The following ERC2 variants were observed in gnomAD, a reference collection of about 807,000 sequenced individuals.
The protein encoded by ERC2 is ERC protein 2.
In ERC2, 42 loss-of-function variants were observed where a neutral mutation model predicts 114.8. That is an observed-to-expected ratio of 0.37 (90% CI 0.29 to 0.47). ERC2 has a LOEUF of 0.47. ERC2 is among the 20% of genes least tolerant of loss of function. The probability of loss-of-function intolerance (pLI) is 0.99; values close to 1 mark genes in which losing one functional copy is unlikely to be tolerated. For missense variants in ERC2, 939 were observed against 1,150.7 expected, an observed-to-expected ratio of 0.82 and a Z score of 2.66; for synonymous variants, 454 against 425.5, an observed-to-expected ratio of 1.07 and a Z score of -0.82.
chr3:55,727,144 T>C (rs2064971106), intron 15 of ERC2, among the ~76,000 whole-genome samples: 1 of 152,292 alleles, frequency 6.6e-6, no homozygotes, highest in African/African-American at 2.4e-5. Context: ...ATTATTTTGA[T>C]GTCAGTCCTT....
intron 14 of ERC2, among the ~76,000 whole-genome samples, chr3:55,737,901 C>T (rs1285888721): frequency 6.6e-6 from 1 of 152,116 alleles, no homozygotes; most frequent in African/African-American, 2.4e-5. Context: ...ATAATAGTGT[C>T]TCCTTCCAGA....
intron 14 of ERC2, among the ~76,000 whole-genome samples, chr3:55,736,121 T>C (rs2065619492): frequency 6.6e-6 from 1 of 152,206 alleles, no homozygotes; most frequent in Admixed American, 6.5e-5. Flanking sequence ...TTGATCTCTC[T>C]GGTAAAGAGA....
intron 17 of ERC2, among the ~76,000 whole-genome samples, chr3:55,597,245 C>T (rs941078242): frequency 1.3e-5 from 2 of 151,912 alleles, no homozygotes; most frequent in Admixed American, 1.3e-4. Flanking sequence ...ATGGTGAAAC[C>T]CCATCTCTAC....
chr3:55,749,319 C>A (rs2066513570), intron 14 of ERC2, among the ~76,000 whole-genome samples: 1 of 152,158 alleles, frequency 6.6e-6, no homozygotes, highest in Admixed American at 6.5e-5. Context: ...TGAGGCTTCC[C>A]AGCTCCACTG....
chr3:56,113,607 A>G (rs2079076155), intron 6 of ERC2, among the ~76,000 whole-genome samples: 1 of 152,260 alleles, frequency 6.6e-6, no homozygotes, highest in African/African-American at 2.4e-5. Flanking sequence ...GGGTTTTCAC[A>G]TGAAGCAAGT....
At chr3:55,807,913 C>G (rs967937245) in intron 14 of ERC2, among the ~76,000 whole-genome samples, 1 of 152,148 alleles carries the variant, frequency 6.6e-6, no homozygotes, top group Non-Finnish European at 1.5e-5. Flanking sequence ...AAAATGACCT[C>G]TGAGCATGAG....
intron 14 of ERC2, among the ~76,000 whole-genome samples, chr3:55,777,528 T>G (rs2068718451): frequency 6.6e-6 from 1 of 152,254 alleles, no homozygotes. Flanking sequence ...ACTTATTTAT[T>G]GTCAGCCTCC....
intron 3 of ERC2, among the ~76,000 whole-genome samples, chr3:56,275,822 G>A (rs2053952405): frequency 6.6e-6 from 1 of 152,138 alleles, no homozygotes; most frequent in Middle Eastern, 3.2e-3. Context: ...AGACATTTTT[G>A]ATTGACATGA....
At chr3:56,225,064 C>T (rs2050163472) in intron 3 of ERC2, among the ~76,000 whole-genome samples, 2 of 152,066 alleles carry the variant, frequency 1.3e-5, no homozygotes, top group African/African-American at 4.8e-5. Flanking sequence ...TCATCAACAC[C>T]CAGCTCTTCT....
chr3:56,228,753 T>G (rs1396258784), intron 3 of ERC2, among the ~76,000 whole-genome samples: 1 of 152,178 alleles, frequency 6.6e-6, no homozygotes, highest in Non-Finnish European at 1.5e-5. Flanking sequence ...AAACTGTATG[T>G]TTAAGATGTG....
intron 2 of ERC2, among the ~76,000 whole-genome samples, chr3:56,393,910 T>C (rs76293527): frequency 0.023 from 3,570 of 152,082 alleles, 40 homozygotes; most frequent in South Asian, 0.071. Context: ...ACACTACTTT[T>C]ATGTCTCCTA....
At chr3:56,070,127 A>G (rs1344353839) in intron 7 of ERC2, among the ~76,000 whole-genome samples, 1 of 152,240 alleles carries the variant, frequency 6.6e-6, no homozygotes, top group East Asian at 1.9e-4. Context: ...CAATATAGAT[A>G]TGTGTAAAAT....
intron 7 of ERC2, among the ~76,000 whole-genome samples, chr3:56,038,433 A>T (rs1319033811): frequency 6.6e-6 from 1 of 152,130 alleles, no homozygotes; most frequent in African/African-American, 2.4e-5. Context: ...TCAAGAAACA[A>T]CAGATGCTGG....
intron 17 of ERC2, among the ~76,000 whole-genome samples, chr3:55,587,945 A>C (rs2057681433): frequency 6.6e-6 from 1 of 152,244 alleles, no homozygotes; most frequent in Non-Finnish European, 1.5e-5. Context: ...AATGGTAACC[A>C]GCTGTGGCAG....
At chr3:56,405,832 G>A (rs1187532557) in intron 2 of ERC2, among the ~76,000 whole-genome samples, 1 of 150,024 alleles carries the variant, frequency 6.7e-6, no homozygotes, top group African/African-American at 2.5e-5. Flanking sequence ...CTTTTACTCT[G>A]TGAACATGTA....
intron 17 of ERC2, among the ~76,000 whole-genome samples, chr3:55,602,757 C>T (rs543587355): frequency 1.3e-5 from 2 of 152,174 alleles, no homozygotes; most frequent in East Asian, 1.9e-4. Context: ...ATTCACCCCC[C>T]CAATGAACGC....
intron 17 of ERC2, among the ~76,000 whole-genome samples, chr3:55,671,889 A>C (rs551432672): frequency 6.6e-6 from 1 of 152,324 alleles, no homozygotes; most frequent in East Asian, 1.9e-4. Context: ...GCTGTGAGCA[A>C]TAAGCACAGC....
intron 15 of ERC2, among the ~76,000 whole-genome samples, chr3:55,700,301 C>T (rs575815313): frequency 9.2e-5 from 14 of 152,060 alleles, no homozygotes; most frequent in South Asian, 2.1e-4. Flanking sequence ...CTAAAGACCA[C>T]GGGAAAAAAG....
At chr3:55,864,210 C>G (rs1277960411) in intron 14 of ERC2, among the ~76,000 whole-genome samples, 1 of 132,060 alleles carries the variant, frequency 7.6e-6, no homozygotes, top group Non-Finnish European at 1.5e-5. Context: ...TATATATACA[C>G]ACATATATAC....
Sources: allele counts gnomAD v4.1 joint callset (sites outside exome capture counted in the v4.1 genomes callset), GRCh38; gene constraint gnomAD v4.1.1; transcripts MANE v1.5; gene names NCBI Gene and HGNC (gene_info 2026-07-23, HGNC 2026-07-21).